NEDD4L: variants seen among roughly 807,000 people sequenced by gnomAD.
NEDD4L encodes the protein NEDD4 like E3 ubiquitin protein ligase.
Under a neutral mutation model 148.9 loss-of-function variants are expected in NEDD4L, and 54 were observed. The ratio of observed to expected loss-of-function variants is 0.36; its 90% CI spans 0.29 to 0.45. The LOEUF is 0.45. Among genes scored for constraint, NEDD4L ranks in the 20% least tolerant of loss-of-function variants. The pLI is 1.00. For synonymous variants in NEDD4L, 433 were observed against 440.7 expected (o/e 0.98, Z 0.22); for missense variants, 856 against 1,233.8 (o/e 0.69, Z 4.59).
At chr18:58,101,386 C>A (rs1294893949) in intron 1 of NEDD4L, among the ~76,000 whole-genome samples, 1 of 152,176 alleles carries the variant, frequency 6.6e-6, no homozygotes, top group African/African-American at 2.4e-5. Context: ...GAACTCAGAA[C>A]AAGGCTTTTG....
At chr18:58,214,910 C>G (rs2043008157) in intron 2 of NEDD4L, among the ~76,000 whole-genome samples, 1 of 151,136 alleles carries the variant, frequency 6.6e-6, no homozygotes, top group Non-Finnish European at 1.5e-5. Flanking sequence ...CTCCCAGGTT[C>G]AAGTGATTCT....
chr18:58,262,248 T>C (rs1002282307), intron 5 of NEDD4L, among the ~76,000 whole-genome samples: 1 of 152,180 alleles, frequency 6.6e-6, no homozygotes, highest in Non-Finnish European at 1.5e-5. Flanking sequence ...AGGTGGAGAT[T>C]ATTGAAAGAT....
chr18:58,298,200 G>GTT (rs1298797040), intron 5 of NEDD4L, among the ~76,000 whole-genome samples: 1 of 152,082 alleles, frequency 6.6e-6, no homozygotes, highest in African/African-American at 2.4e-5. Flanking sequence ...CTGTCTACAT[G>GTT]CATGTCATAT....
intron 2 of NEDD4L, among the ~76,000 whole-genome samples, chr18:58,219,917 A>C (rs1034607131): frequency 6.6e-6 from 1 of 152,098 alleles, no homozygotes; most frequent in Non-Finnish European, 1.5e-5. Context: ...GTTTAGGTAC[A>C]TTTTCTTATA....
intron 2 of NEDD4L, among the ~76,000 whole-genome samples, chr18:58,202,597 C>T (rs776585487): frequency 1.3e-5 from 2 of 152,234 alleles, no homozygotes; most frequent in African/African-American, 2.4e-5. Context: ...TGGATTTGCA[C>T]TTCCTCCTGG....
intron 1 of NEDD4L, among the ~76,000 whole-genome samples, chr18:58,084,805 C>T (rs548517203): frequency 1.3e-4 from 19 of 151,856 alleles, no homozygotes; most frequent in African/African-American, 4.6e-4. Context: ...AGAGATCCTC[C>T]CACCCCAGCC....
intron 23 of NEDD4L, chr18:58,371,884 G>A (rs2046922306): frequency 6.6e-6 from 1 of 152,146 alleles, no homozygotes; most frequent in Admixed American, 6.5e-5. Flanking sequence ...GACAGTTAGT[G>A]CCTAAAGTAC....
intron 5 of NEDD4L, among the ~76,000 whole-genome samples, chr18:58,261,406 G>A (rs2148661461): frequency 6.6e-6 from 1 of 152,252 alleles, no homozygotes; most frequent in Admixed American, 6.5e-5. Context: ...ACAATATAGT[G>A]TTATATCTAC....
At chr18:58,377,121 G>A (rs1247235324) in intron 24 of NEDD4L, among the ~76,000 whole-genome samples, 1 of 152,218 alleles carries the variant, frequency 6.6e-6, no homozygotes, top group Non-Finnish European at 1.5e-5. Context: ...CCTGCCCTGT[G>A]CTCACTCACT....
At chr18:58,180,204 TTCC>T (rs973584078) in intron 2 of NEDD4L, among the ~76,000 whole-genome samples, 76 of 152,342 alleles carry the variant, frequency 5.0e-4, no homozygotes, top group African/African-American at 1.7e-3. Context: ...CGGTGCGCTC[TTCC>T]TCCTCTGTGC....
intron 2 of NEDD4L, among the ~76,000 whole-genome samples, chr18:58,203,484 A>G (rs1330907640): frequency 6.6e-6 from 1 of 152,188 alleles, no homozygotes; most frequent in Non-Finnish European, 1.5e-5. Context: ...TAATAATCTA[A>G]GTATGTCTAG....
intron 1 of NEDD4L, among the ~76,000 whole-genome samples, chr18:58,147,388 G>A (rs1043177393): frequency 2.6e-5 from 4 of 152,044 alleles, no homozygotes; most frequent in African/African-American, 7.2e-5. Context: ...AACTCTCCAC[G>A]TTGCCACATT....
chr18:58,250,337 A>T (rs1296540311), intron 4 of NEDD4L, among the ~76,000 whole-genome samples: 4 of 152,046 alleles, frequency 2.6e-5, no homozygotes, highest in Non-Finnish European at 5.9e-5. Context: ...TTTAGTAGAG[A>T]TGAGGTTTCA....
chr18:58,339,235 T>C (rs1465858596), intron 13 of NEDD4L, among the ~76,000 whole-genome samples: 3 of 152,158 alleles, frequency 2.0e-5, no homozygotes, highest in Admixed American at 6.5e-5. Flanking sequence ...ACACATTCCA[T>C]TTAGTATTTC....
intron 2 of NEDD4L, among the ~76,000 whole-genome samples, chr18:58,233,761 T>C (rs2045545132): frequency 1.3e-5 from 2 of 152,234 alleles, no homozygotes; most frequent in South Asian, 4.1e-4. Context: ...AACAGAAATT[T>C]ATTTTCTATC....
At chr18:58,131,783 G>A (rs936034994) in intron 1 of NEDD4L, among the ~76,000 whole-genome samples, 2 of 152,118 alleles carry the variant, frequency 1.3e-5, no homozygotes, top group Admixed American at 6.6e-5. Flanking sequence ...CTGCTTGTGC[G>A]CTTCAAAGTT....
chr18:58,074,262 ATTT>A (rs765771513), intron 1 of NEDD4L, among the ~76,000 whole-genome samples: 1 of 138,500 alleles, frequency 7.2e-6, no homozygotes, highest in Non-Finnish European at 1.6e-5. Flanking sequence ...TCATGCTAAG[ATTT>A]TTTTTTTTTT....
At chr18:58,213,231 C>T (rs513029) in intron 2 of NEDD4L, among the ~76,000 whole-genome samples, 67,276 of 151,836 alleles carry the variant, frequency 0.44, 16,294 homozygotes, top group African/African-American at 0.66. Context: ...CCTTTGTCCT[C>T]GGTTATTTGT....
At chr18:58,114,987 T>C (rs1568235937) in intron 1 of NEDD4L, among the ~76,000 whole-genome samples, 1 of 152,218 alleles carries the variant, frequency 6.6e-6, no homozygotes, top group Non-Finnish European at 1.5e-5. Flanking sequence ...TAAGGTCTGC[T>C]GATTAGCAAC....
Sources: gnomAD v4.1 joint callset for allele counts (sites outside exome capture counted in the v4.1 genomes callset) on GRCh38, gnomAD v4.1.1 for gene constraint, MANE v1.5 for transcripts, NCBI Gene and HGNC (gene_info 2026-07-23, HGNC 2026-07-21) for gene names.